The following DNAH8 variants were observed in gnomAD, a reference collection of about 807,000 sequenced individuals.
The protein encoded by DNAH8 is axonemal beta dynein heavy chain 8.
In DNAH8, 382 loss-of-function variants were observed where a neutral mutation model predicts 562.1. The observed-to-expected ratio is 0.68, with a 90% CI of 0.63 to 0.74. DNAH8 has a LOEUF of 0.74. Among genes scored for constraint, DNAH8 ranks in the 30% least tolerant of loss-of-function variants. The pLI is 0.00. For missense variants in DNAH8, 5,203 were observed against 5,620.4 expected (o/e 0.93, Z 2.37); for synonymous variants, 1,881 against 1,919.4 (o/e 0.98, Z 0.52).
chr6:38,944,548 G>A (rs1783697327), intron 79 of DNAH8, among the ~76,000 whole-genome samples: 1 of 152,214 alleles, frequency 6.6e-6, no homozygotes, highest in South Asian at 2.1e-4. Flanking sequence ...CAACAGTGGA[G>A]CTGGAATTAT....
chr6:38,981,783 A>T (rs1001407062), intron 85 of DNAH8, among the ~76,000 whole-genome samples: 2 of 152,182 alleles, frequency 1.3e-5, no homozygotes, highest in African/African-American at 2.4e-5. Context: ...CTTTTTTTAA[A>T]ACCCAAGAAC....
intron 75 of DNAH8, among the ~76,000 whole-genome samples, chr6:38,930,415 TTAAA>T (rs1034325379): frequency 1.0e-4 from 14 of 138,994 alleles, no homozygotes; most frequent in Admixed American, 7.1e-5. Flanking sequence ...TATTTTCTCA[TTAAA>T]TAAAGACAGA....
chr6:38,735,251 A>G (rs1182092746), intron 5 of DNAH8, among the ~76,000 whole-genome samples: 1 of 152,258 alleles, frequency 6.6e-6, no homozygotes, highest in African/African-American at 2.4e-5. Context: ...GGCTCTCGAC[A>G]AATATTAGTT....
intron 4 of DNAH8, among the ~76,000 whole-genome samples, chr6:38,732,797 A>G (rs1055220425): frequency 6.6e-6 from 1 of 152,182 alleles, no homozygotes; most frequent in Non-Finnish European, 1.5e-5. Context: ...CCAGAATCAC[A>G]GGGCAGGAGG....
intron 9 of DNAH8, among the ~76,000 whole-genome samples, chr6:38,752,958 G>A (rs183140436): frequency 1.6e-3 from 248 of 151,906 alleles, no homozygotes; most frequent in African/African-American, 5.4e-3. Flanking sequence ...TTTTAGATTC[G>A]GGGGTACATG....
In DNAH8 at chr6:38,790,292, G is replaced by T; in HGVS notation, c.2668G>T (p.Glu890Ter). The T allele has an allele frequency of 6.3e-7, 1 of 1,587,520 alleles. No homozygotes were observed. Among genetic ancestry groups the T allele is most frequent in the East Asian group, 2.2e-5 (1 of 44,650 alleles). ...NLMTPKMKKVESVLRQGLTVL... is the reference protein window; with the variant it reads ...NLMTPKMKKV ...GTTGTGTTTTTACCGTTTCTAGGTGGAATCTGTGTTGAGGCAAGGACTCAC... is the reference window on the plus strand; with the variant it reads ...GTTGTGTTTTTACCGTTTCTAGGTGTAATCTGTGTTGAGGCAAGGACTCAC... The change falls in exon 20 of 93, where the codon GAA becomes TAA. Residue 890 changes from glutamate to a stop codon, truncating the protein, a stop_gained. Transcript: ENST00000327475. LOFTEE classifies it high-confidence loss of function.
chr6:38,933,105 T>C (rs1163360985), intron 76 of DNAH8, among the ~76,000 whole-genome samples: 2 of 152,214 alleles, frequency 1.3e-5, no homozygotes, highest in Admixed American at 6.5e-5. Flanking sequence ...GATCACATGC[T>C]GTTAACTGTT....
intron 1 of DNAH8, among the ~76,000 whole-genome samples, chr6:38,719,915 C>A (rs181805973): frequency 7.7e-4 from 117 of 152,240 alleles, no homozygotes; most frequent in African/African-American, 2.6e-3. Flanking sequence ...TCTCCCTTAC[C>A]ACCAGAAAAT....
chr6:38,866,239 C>A (rs1448231265), intron 45 of DNAH8, among the ~76,000 whole-genome samples: 1 of 152,122 alleles, frequency 6.6e-6, no homozygotes, highest in African/African-American at 2.4e-5. Flanking sequence ...CAATAACATA[C>A]TTTAGACCAT....
At chr6:39,029,409 A>G (rs760698169) in intron 92 of DNAH8, among the ~76,000 whole-genome samples, 13 of 152,126 alleles carry the variant, frequency 8.5e-5, no homozygotes, top group Non-Finnish European at 1.6e-4. Context: ...CCCCCAGAAC[A>G]GTTCACCGGG....
At chr6:38,811,714 T>C (rs924712203) in intron 24 of DNAH8, among the ~76,000 whole-genome samples, 1 of 152,240 alleles carries the variant, frequency 6.6e-6, no homozygotes, top group Admixed American at 6.5e-5. Flanking sequence ...CTCTCTTTCT[T>C]ACCCTTAGAC....
At position 38,854,025 on chromosome 6, in the gene DNAH8, C is replaced by T. The variant is rs184448089; in HGVS notation, c.5733+678C>T. Among the ~76,000 whole-genome samples the T allele has an allele frequency of 3.4e-4, 51 of 150,238 alleles. 1 individual carries two copies. Among genetic ancestry groups the T allele is most frequent in the African/African-American group, 1.1e-3 (43 of 40,906 alleles). ...TGGGGACCATCTGTGTGTAAGTGCACGTGTGTGTGTGTGTATATATATATG... is the reference window on the plus strand; with the variant it reads ...TGGGGACCATCTGTGTGTAAGTGCATGTGTGTGTGTGTGTATATATATATG... On this transcript the variant is annotated intron_variant, in intron 41 of 92. Coordinates refer to ENST00000327475, the MANE Select transcript of DNAH8 (RefSeq NM_001206927.2).
At chr6:38,757,439 A>G (rs1217300743) in intron 10 of DNAH8, among the ~76,000 whole-genome samples, 147 of 151,772 alleles carry the variant, frequency 9.7e-4, no homozygotes, top group Non-Finnish European at 1.6e-3. Context: ...TCAGATGAGT[A>G]GATTGCAAAA....
At chr6:38,748,898 A>G (rs1307577342) in intron 8 of DNAH8, among the ~76,000 whole-genome samples, 1 of 152,034 alleles carries the variant, frequency 6.6e-6, no homozygotes, top group Non-Finnish European at 1.5e-5. Context: ...CATTGATAGA[A>G]TGATATTACT....
At chr6:39,009,534 C>A (rs1456947812) in intron 89 of DNAH8, among the ~76,000 whole-genome samples, 1 of 152,134 alleles carries the variant, frequency 6.6e-6, no homozygotes, top group Non-Finnish European at 1.5e-5. Context: ...CACACTTATT[C>A]ATTGATTAGA....
chr6:38,886,073 T>C (rs1002272554), intron 56 of DNAH8, among the ~76,000 whole-genome samples: 1 of 150,550 alleles, frequency 6.6e-6, no homozygotes, highest in Non-Finnish European at 1.5e-5. Context: ...GTGTAGAGCT[T>C]AGAAGAGAAT....
chr6:38,803,057 A>G (rs563304959), intron 21 of DNAH8, 122 bp from the exon 22 acceptor site: 3 of 670,518 alleles, frequency 4.5e-6, no homozygotes, highest in East Asian at 6.2e-5. Flanking sequence ...ATTTTCAGCT[A>G]TCTCTAGCTT....
intron 41 of DNAH8, among the ~76,000 whole-genome samples, chr6:38,856,378 G>C (rs781463902): frequency 1.3e-5 from 2 of 152,044 alleles, no homozygotes; most frequent in Non-Finnish European, 2.9e-5. Context: ...AGCTGTTCTT[G>C]GTGACTCAAG....
rs9369098 is a variant in DNAH8, at chr6:38,982,609, G to A, written c.12951+147G>A. 0.16 allele frequency: 89,805 copies of A among 571,596 alleles called. 8,350 individuals carry two copies. Among genetic ancestry groups the A allele is most frequent in the East Asian group, 0.36 (13,211 of 36,598 alleles). The allele number at this position is 571,596 out of a possible 1,614,324, so 35.4% of individuals were successfully genotyped here. On this transcript the variant is annotated intron_variant, in intron 86 of 92. Transcript: ENST00000327475. ...GACTTGTTGCTGTAATCAGGCACTTGCTGGGGCAGCCTGTCCCTGCCCCCA... is the reference window on the plus strand; with the variant it reads ...GACTTGTTGCTGTAATCAGGCACTTACTGGGGCAGCCTGTCCCTGCCCCCA...
Sources: gnomAD v4.1 joint callset for allele counts (sites outside exome capture counted in the v4.1 genomes callset) on GRCh38, gnomAD v4.1.1 for gene constraint, MANE v1.5 for transcripts, NCBI Gene and HGNC (gene_info 2026-07-23, HGNC 2026-07-21) for gene names.